UGT1A7: variants seen among roughly 807,000 people sequenced by gnomAD.
The protein encoded by UGT1A7 is UDP glucuronosyltransferase family 1 member A7, also known as UDP-glucuronosyltransferase 1A7.
UGT1A7 carries 33 observed loss-of-function variants against 45.6 expected under a neutral mutation model. That is an observed-to-expected ratio of 0.72 (90% CI 0.55 to 0.97). The LOEUF (loss-of-function observed/expected upper bound fraction) is 0.97, where lower values mean the gene tolerates loss of function less well. UGT1A7 is among the 50% of genes least tolerant of loss of function. UGT1A7 has a pLI of 0.00. For synonymous variants in UGT1A7, 274 were observed against 250.6 expected, an observed-to-expected ratio of 1.09 and a Z score of -0.88; for missense variants, 684 against 666.2, an observed-to-expected ratio of 1.03 and a Z score of -0.29.
intron 1 of UGT1A7, among the ~76,000 whole-genome samples, chr2:233,684,669 A>G (rs2074690541): frequency 6.6e-6 from 1 of 152,172 alleles, no homozygotes; most frequent in African/African-American, 2.4e-5. Flanking sequence ...TAAGGAATAT[A>G]CATATGATAG....
intron 1 of UGT1A7, chr2:233,755,251 C>A (rs1287732511): frequency 2.4e-6 from 2 of 830,672 alleles, no homozygotes; most frequent in Non-Finnish European, 3.6e-6. Context: ...ACTCCCAGCA[C>A]CTCGTAGTAG....
At chr2:233,689,967 A>T in intron 1 of UGT1A7, 1 of 456,308 alleles carries the variant, frequency 2.2e-6, no homozygotes, top group Non-Finnish European at 4.4e-6. Flanking sequence ...TGCTTGGAGG[A>T]ACCCACAGGC....
At chr2:233,757,535 A>AATATATATACATATACATATATACATAT (rs376887521) in intron 1 of UGT1A7, among the ~76,000 whole-genome samples, 1 of 88,312 alleles carries the variant, frequency 1.1e-5, no homozygotes, top group African/African-American at 5.0e-5. Context: ...GCCTGTAAGG[A>AATATATATACATATACATATATACATAT]ATATATATAT....
At chr2:233,693,592 C>A (rs1176856188) in intron 1 of UGT1A7, 1 of 1,614,232 alleles carries the variant, frequency 6.2e-7, no homozygotes, top group South Asian at 1.1e-5. Flanking sequence ...CCAGGTGCTA[C>A]ACAAAGTTTT....
intron 1 of UGT1A7, among the ~76,000 whole-genome samples, chr2:233,712,282 C>T (rs1209135273): frequency 6.6e-6 from 1 of 152,248 alleles, no homozygotes; most frequent in Non-Finnish European, 1.5e-5. Context: ...AGCAGCACCT[C>T]TTCTTCCATG....
intron 1 of UGT1A7, among the ~76,000 whole-genome samples, chr2:233,756,947 C>T (rs1471730406): frequency 2.6e-5 from 4 of 152,070 alleles, no homozygotes; most frequent in East Asian, 1.9e-4. Context: ...ACCTGAAACC[C>T]GGACTTGGCA....
chr2:233,682,923 G>A, intron 1 of UGT1A7, 131 bp downstream of exon 1: 4 of 1,471,882 alleles, frequency 2.7e-6, no homozygotes, highest in Non-Finnish European at 3.6e-6. Flanking sequence ...GAATTCTTTT[G>A]TACCAATTCA....
chr2:233,690,865 C>T (rs2075019127), intron 1 of UGT1A7: 1 of 1,062,876 alleles, frequency 9.4e-7, no homozygotes. Flanking sequence ...TCTTAATTTG[C>T]AAGAAGGTGT....
intron 1 of UGT1A7, among the ~76,000 whole-genome samples, chr2:233,695,323 A>G (rs2075280917): frequency 6.6e-6 from 1 of 151,690 alleles, no homozygotes. Flanking sequence ...GCGGGGTTTC[A>G]CCACGTTGGC....
intron 1 of UGT1A7, among the ~76,000 whole-genome samples, chr2:233,725,195 G>A (rs2077386503): frequency 1.1e-5 from 1 of 94,936 alleles, no homozygotes; most frequent in Non-Finnish European, 1.9e-5. Flanking sequence ...CAGAGGCAGA[G>A]GCAGAGGCAG....
chr2:233,712,951 A>C, intron 1 of UGT1A7: 1 of 1,612,798 alleles, frequency 6.2e-7, no homozygotes, highest in Middle Eastern at 2.0e-4. Flanking sequence ...TAGGAGGCAC[A>C]ACGTGGGGTG....
At chr2:233,711,206 C>T (rs1343075112) in intron 1 of UGT1A7, among the ~76,000 whole-genome samples, 1 of 152,254 alleles carries the variant, frequency 6.6e-6, no homozygotes, top group African/African-American at 2.4e-5. Flanking sequence ...GTCCTGCTCT[C>T]CCCAGTGCTC....
At chr2:233,746,880 G>A (rs561454270) in intron 1 of UGT1A7, among the ~76,000 whole-genome samples, 1 of 151,926 alleles carries the variant, frequency 6.6e-6, no homozygotes, top group South Asian at 2.1e-4. Flanking sequence ...GTGGTTAACA[G>A]AGAAGTAGGA....
chr2:233,768,128 C>A, intron 3 of UGT1A7, 92 bp from the exon 4 acceptor site: 1 of 1,605,472 alleles, frequency 6.2e-7, no homozygotes, highest in Non-Finnish European at 8.5e-7. Context: ...GTGAGTAACA[C>A]TGAGTCTTTG....
chr2:233,768,949 T>G (rs973201287), intron 4 of UGT1A7, among the ~76,000 whole-genome samples: 26 of 152,212 alleles, frequency 1.7e-4, no homozygotes, highest in Admixed American at 1.5e-3. Context: ...TTAGTTTCTA[T>G]ATAATTTATC....
chr2:233,717,520 C>A (rs1221437442), intron 1 of UGT1A7, among the ~76,000 whole-genome samples: 1 of 152,224 alleles, frequency 6.6e-6, no homozygotes, highest in Non-Finnish European at 1.5e-5. Flanking sequence ...GGAGTAACTT[C>A]CTCCATAAGG....
At chr2:233,706,177 GTC>G (rs1466872999) in intron 1 of UGT1A7, among the ~76,000 whole-genome samples, 2 of 152,312 alleles carry the variant, frequency 1.3e-5, no homozygotes, top group East Asian at 3.9e-4. Context: ...AATGTGGTGT[GTC>G]TGCCCAGGCT....
chr2:233,747,481 A>T, intron 1 of UGT1A7: 1 of 1,608,962 alleles, frequency 6.2e-7, no homozygotes, highest in South Asian at 1.1e-5. Flanking sequence ...GATGAATTTG[A>T]TCGCCTTGTG....
chr2:233,755,337 A>G (rs1695871666), intron 1 of UGT1A7: 2 of 434,782 alleles, frequency 4.6e-6, no homozygotes, highest in Admixed American at 3.7e-5. Flanking sequence ...ACCCGCGCAC[A>G]GGTCAGAGGC....
Sources: gnomAD v4.1 joint callset for allele counts (sites outside exome capture counted in the v4.1 genomes callset) on GRCh38, gnomAD v4.1.1 for gene constraint, MANE v1.5 for transcripts, NCBI Gene and HGNC (gene_info 2026-07-23, HGNC 2026-07-21) for gene names.